Variants in RHOU observed in about 807,000 individuals in gnomAD.
RHOU encodes rho-related GTP-binding protein RhoU.
In RHOU, 8 loss-of-function variants were observed where a neutral mutation model predicts 12.6. The ratio of observed to expected loss-of-function variants is 0.64; its 90% CI spans 0.37 to 1.15. The LOEUF is 1.15. Among genes scored for constraint, RHOU ranks in the 50% most tolerant of loss-of-function variants. The probability of loss-of-function intolerance (pLI) is 0.01; values close to 1 mark genes in which losing one functional copy is unlikely to be tolerated. For missense variants in RHOU, 258 were observed against 347.0 expected (o/e 0.74, Z 2.04); for synonymous variants, 161 against 147.4 (o/e 1.09, Z -0.67).
chr1:228,741,238 G>A (rs1662716318), intron 2 of RHOU, among the ~76,000 whole-genome samples: 2 of 152,130 alleles, frequency 1.3e-5, no homozygotes, highest in South Asian at 2.1e-4. Context: ...GCCTCAGAAC[G>A]CCTTTTCTTA....
At chr1:228,650,245 C>T in the RHOU span, 3 of 457,348 alleles carry the variant, frequency 6.6e-6, no homozygotes, top group Non-Finnish European at 1.3e-5. Context: ...GAGTACGTGG[C>T]GCTGGGTCGC....
the RHOU span, among the ~76,000 whole-genome samples, chr1:228,690,565 G>A: frequency 6.6e-6 from 1 of 151,198 alleles, no homozygotes; most frequent in African/African-American, 2.5e-5. Flanking sequence ...CAGCTGATCC[G>A]CCCGCCTTGG....
At chr1:228,708,838 G>C in the RHOU span, among the ~76,000 whole-genome samples, 2 of 152,098 alleles carry the variant, frequency 1.3e-5, no homozygotes, top group Non-Finnish European at 2.9e-5. Flanking sequence ...TGGACTAAAT[G>C]CTCCAATTAA....
chr1:228,686,069 A>G, the RHOU span, among the ~76,000 whole-genome samples: 8 of 152,328 alleles, frequency 5.3e-5, no homozygotes, highest in Non-Finnish European at 8.8e-5. Context: ...CTTTTGTATT[A>G]GTCCATTGAC....
the RHOU span, chr1:228,648,123 C>G: frequency 6.6e-6 from 1 of 152,270 alleles, no homozygotes; most frequent in Non-Finnish European, 1.5e-5. Context: ...CCATGGGGAT[C>G]TTATCGGGAC....
the RHOU span, among the ~76,000 whole-genome samples, chr1:228,646,610 T>C: frequency 7.7e-5 from 10 of 130,038 alleles, no homozygotes; most frequent in African/African-American, 3.0e-4. Flanking sequence ...GCGTGGGGTG[T>C]AGCGGGTCGG....
In RHOU at chr1:228,738,803, ACCAAGCACTGT is replaced by A. The variant is rs1010864076; in HGVS notation, c.321+1075_321+1085del. Among the ~76,000 whole-genome samples the A allele has an allele frequency of 1.3e-5, 2 of 152,046 alleles. No individual in the cohort carries two copies. The highest frequency in any genetic ancestry group is 4.8e-5 in the African/African-American group (2 of 41,370). On this transcript the variant is annotated intron_variant, in intron 2 of 2. Coordinates refer to ENST00000366691, the MANE Select transcript of RHOU (RefSeq NM_021205.6). This position sits in a 1 kb window ranked among gnomAD's most constrained non-coding sequence, Gnocchi z 4.2. ...CTTGGGAGCACTTCAGCTTGGAAAA[ACCAAGCACTGT>A]CCGTATTGTATTGTCTGTAGAAAAC... is the stretch of plus-strand genomic sequence containing the variant.
the RHOU span, among the ~76,000 whole-genome samples, chr1:228,668,150 G>C: frequency 6.6e-6 from 1 of 152,308 alleles, no homozygotes; most frequent in Admixed American, 6.5e-5. Context: ...CAGGTTAGTG[G>C]ACGCATCCAC....
the RHOU span, chr1:228,650,199 G>A: frequency 2.2e-6 from 1 of 456,826 alleles, no homozygotes; most frequent in Non-Finnish European, 4.4e-6. Flanking sequence ...CAGCCCCATG[G>A]GTCGCCCATG....
the RHOU span, among the ~76,000 whole-genome samples, chr1:228,705,057 C>T: frequency 1.3e-5 from 2 of 151,802 alleles, no homozygotes; most frequent in Non-Finnish European, 2.9e-5. Flanking sequence ...CCACCTTGGC[C>T]TCCCAAAATG....
At chr1:228,707,253 ATAGTGT>A in the RHOU span, among the ~76,000 whole-genome samples, 4,883 of 76,708 alleles carry the variant, frequency 0.064, 104 homozygotes, top group East Asian at 0.081. Context: ...ATATATATAT[ATAGTGT>A]GTGTGTGTGT....
At chr1:228,721,972 G>A in the RHOU span, among the ~76,000 whole-genome samples, 5 of 152,170 alleles carry the variant, frequency 3.3e-5, no homozygotes, top group Non-Finnish European at 5.9e-5. Context: ...CACCGTAGTT[G>A]CGACTTCTTT....
chr1:228,647,124 A>T, the RHOU span, among the ~76,000 whole-genome samples: 1 of 152,082 alleles, frequency 6.6e-6, no homozygotes, highest in Non-Finnish European at 1.5e-5. Context: ...AGCAGTCCGG[A>T]ATAGGGTGGA....
chr1:228,657,199 C>T, the RHOU span, among the ~76,000 whole-genome samples: 7 of 143,290 alleles, frequency 4.9e-5, no homozygotes, highest in East Asian at 1.4e-3. Context: ...ATCGCTTCAA[C>T]CCAGGAGGTG....
At chr1:228,732,730 C>T (rs6701241), upstream of RHOU, among the ~76,000 whole-genome samples, 22 of 151,818 alleles carry the variant, frequency 1.4e-4, no homozygotes, top group Admixed American at 5.9e-4. Flanking sequence ...AAGAGGGGGA[C>T]GCACAGGACA....
At chr1:228,696,870 C>A in the RHOU span, among the ~76,000 whole-genome samples, 1 of 152,074 alleles carries the variant, frequency 6.6e-6, no homozygotes, top group Non-Finnish European at 1.5e-5. Flanking sequence ...TGATCATTCC[C>A]ACAGTATGCC....
upstream of RHOU, among the ~76,000 whole-genome samples, chr1:228,731,499 G>C (rs142743113): frequency 6.6e-6 from 1 of 152,288 alleles, no homozygotes; most frequent in African/African-American, 2.4e-5. Context: ...ACACAAAAAC[G>C]AACAGATGGC....
chr1:228,736,936 T>TC, intron 1 of RHOU, among the ~76,000 whole-genome samples: 1 of 96,420 alleles, frequency 1.0e-5, no homozygotes, highest in African/African-American at 4.1e-5. Context: ...TTTCTTCCCC[T>TC]CCCCCCACCC....
chr1:228,735,935 C>T lies in RHOU; in HGVS notation c.193C>T (p.Leu65=), dbSNP rs778318481. 1 of 1,574,898 alleles carries T rather than the reference C, an allele frequency of 6.3e-7. No homozygotes were observed. Among genetic ancestry groups the T allele is most frequent in the Admixed American group, 1.7e-5 (1 of 58,078 alleles). The change falls in exon 1 of 3, where the codon CTG becomes TTG. Residue 65 remains leucine, a synonymous_variant. Coordinates refer to ENST00000366691, the MANE Select transcript of RHOU (RefSeq NM_021205.6). This position sits in a 1 kb window ranked among gnomAD's most constrained non-coding sequence, Gnocchi z 8.1. Reference sequence around the variant, plus strand: ...CGACGGCGCGGTGGGCAAGACGAGCCTGGTGGTGAGCTACACCACCAACGG... The same window carrying T: ...CGACGGCGCGGTGGGCAAGACGAGCTTGGTGGTGAGCTACACCACCAACGG... ...VGDGAVGKTS[L]VVSYTTNGYP...
Sources: allele counts gnomAD v4.1 joint callset (sites outside exome capture counted in the v4.1 genomes callset), GRCh38; gene constraint gnomAD v4.1.1; non-coding constraint Gnocchi (gnomAD v3.1); transcripts MANE v1.5; gene names NCBI Gene and HGNC (gene_info 2026-07-23, HGNC 2026-07-21).